Variants in PALD1 observed in about 807,000 individuals in gnomAD.
PALD1 encodes phosphatase domain containing paladin 1.
In PALD1, 57 loss-of-function variants were observed where a neutral mutation model predicts 96.0. The ratio of observed to expected loss-of-function variants is 0.59; its 90% CI spans 0.48 to 0.74. The LOEUF (loss-of-function observed/expected upper bound fraction) is 0.74, where lower values mean the gene tolerates loss of function less well. PALD1 is among the 30% of genes least tolerant of loss of function. PALD1 has a pLI of 0.00. For missense variants in PALD1, 1,063 were observed against 1,143.7 expected, an observed-to-expected ratio of 0.93 and a Z score of 1.02; for synonymous variants, 464 against 473.6, an observed-to-expected ratio of 0.98 and a Z score of 0.26.
At chr10:70,464,942 T>C in the PALD1 span, among the ~76,000 whole-genome samples, 1 of 106,382 alleles carries the variant, frequency 9.4e-6, no homozygotes, top group African/African-American at 4.7e-5. Context: ...TGTACACTTG[T>C]ATGTATGTAT....
chr10:70,529,154 G>A (rs1011062560), intron 2 of PALD1, 75 bp from the exon 3 acceptor site: 2 of 650,456 alleles, frequency 3.1e-6, no homozygotes, highest in African/African-American at 1.8e-5. Flanking sequence ...GGTGGGCTCT[G>A]TGAGGGTGGA....
chr10:70,498,419 A>C (rs567201304), intron 1 of PALD1, among the ~76,000 whole-genome samples: 1 of 152,240 alleles, frequency 6.6e-6, no homozygotes, highest in South Asian at 2.1e-4. Flanking sequence ...AGCTGGGACC[A>C]CAGGAGTGTG....
chr10:70,497,564 CTTTT>C (rs34038407), intron 1 of PALD1, among the ~76,000 whole-genome samples: 3 of 142,202 alleles, frequency 2.1e-5, no homozygotes, highest in Non-Finnish European at 3.1e-5. Flanking sequence ...GCATTAAAAA[CTTTT>C]TTTTTTTTTT....
chr10:70,539,771 G>A lies in PALD1; in HGVS notation c.1908+9G>A, dbSNP rs1847202779. 1 of 1,604,146 alleles carries A rather than the reference G, an allele frequency of 6.2e-7. No individual in the cohort carries two copies. Among genetic ancestry groups the A allele is most frequent in the Non-Finnish European group, 8.5e-7 (1 of 1,177,330 alleles). On this transcript the variant is annotated intron_variant, in intron 15 of 19. Transcript: ENST00000263563. The surrounding 1 kb of genome is among the most constrained non-coding windows in gnomAD (Gnocchi z 4.5). ...GTGCCCCCCGAGAGGAGGTGAGGGTGCTGCTCAGGCTGAGGCCTCTGGGGA... is the reference window on the plus strand; with the variant it reads ...GTGCCCCCCGAGAGGAGGTGAGGGTACTGCTCAGGCTGAGGCCTCTGGGGA...
intron 1 of PALD1, among the ~76,000 whole-genome samples, chr10:70,480,041 G>A (rs1293870358): frequency 6.6e-6 from 1 of 152,260 alleles, no homozygotes; most frequent in Non-Finnish European, 1.5e-5. Context: ...TAGGCTGCGA[G>A]AGTGCCAGGG....
intron 18 of PALD1, among the ~76,000 whole-genome samples, chr10:70,563,740 G>A (rs1847786419): frequency 6.6e-6 from 1 of 152,210 alleles, no homozygotes; most frequent in Admixed American, 6.5e-5. Flanking sequence ...CTTCAAGGCT[G>A]GAGGATGAAC....
At chr10:70,552,593 C>T (rs1217690413) in intron 18 of PALD1, among the ~76,000 whole-genome samples, 1 of 151,142 alleles carries the variant, frequency 6.6e-6, no homozygotes, top group Non-Finnish European at 1.5e-5. Flanking sequence ...TATCTCAAGC[C>T]CTCCGAGCTC....
At chr10:70,495,129 C>T (rs545906875) in intron 1 of PALD1, among the ~76,000 whole-genome samples, 2 of 152,350 alleles carry the variant, frequency 1.3e-5, no homozygotes, top group South Asian at 4.1e-4. Context: ...GGCATCTGCA[C>T]GGGCCGTTCC....
intron 1 of PALD1, among the ~76,000 whole-genome samples, chr10:70,479,315 C>A (rs1324260500): frequency 6.6e-6 from 1 of 152,190 alleles, no homozygotes; most frequent in East Asian, 1.9e-4. Context: ...TTGGTGTAGG[C>A]ATGGCCTGGT....
At chr10:70,485,956 T>G (rs1023753772) in intron 1 of PALD1, 2 of 183,906 alleles carry the variant, frequency 1.1e-5, no homozygotes, top group Non-Finnish European at 2.5e-5. Flanking sequence ...AGATGTTTTC[T>G]CATGGCAGAG....
chr10:70,500,502 C>G (rs1332455934), intron 1 of PALD1, among the ~76,000 whole-genome samples: 1 of 152,192 alleles, frequency 6.6e-6, no homozygotes, highest in Non-Finnish European at 1.5e-5. Context: ...CAGGAGGCAC[C>G]TCTCTCTATG....
chr10:70,502,395 T>G (rs1846316881), intron 1 of PALD1, among the ~76,000 whole-genome samples: 1 of 148,112 alleles, frequency 6.8e-6, no homozygotes, highest in Admixed American at 6.8e-5. Flanking sequence ...GTGAAAGACA[T>G]TTCTAATCTT....
intron 1 of PALD1, among the ~76,000 whole-genome samples, chr10:70,514,549 A>T (rs1320944299): frequency 1.3e-5 from 2 of 151,812 alleles, no homozygotes; most frequent in Non-Finnish European, 2.9e-5. Flanking sequence ...GGTCTGTGGG[A>T]CCCCCAAGAG....
chr10:70,511,869 A>G (rs972302161), intron 1 of PALD1, among the ~76,000 whole-genome samples: 8 of 152,178 alleles, frequency 5.3e-5, no homozygotes, highest in South Asian at 2.1e-4. Context: ...TCTACTAAAA[A>G]TACAAAAATT....
chr10:70,494,310 G>A (rs548865714), intron 1 of PALD1, among the ~76,000 whole-genome samples: 6 of 152,200 alleles, frequency 3.9e-5, no homozygotes, highest in Non-Finnish European at 7.3e-5. Context: ...TTGCTAGTGT[G>A]CATGAGGCAG....
At chr10:70,486,083 G>C (rs1846012897) in intron 1 of PALD1, 1 of 224,600 alleles carries the variant, frequency 4.5e-6, no homozygotes, top group Admixed American at 4.2e-5. Context: ...TTTAGGATTT[G>C]AGAGGTTACT....
rs144523160 is a variant in PALD1, at chr10:70,533,946, C to T, written c.895C>T (p.Arg299Cys). Reference sequence around the variant, plus strand: ...GGAGACCCCCAGCCTGCTGCAGCTCCGTGATGCCCACGGGCCTCCCCCAGC... The same window carrying T: ...GGAGACCCCCAGCCTGCTGCAGCTCTGTGATGCCCACGGGCCTCCCCCAGC... ...LRETPSLLQLRDAHGPPPALV... is the reference protein window; with the variant it reads ...LRETPSLLQLCDAHGPPPALV... The change falls in exon 8 of 20, where the codon CGT becomes TGT. Residue 299 changes from arginine (R) to cysteine (C), a missense_variant. Coordinates refer to ENST00000263563, the MANE Select transcript of PALD1 (RefSeq NM_014431.3). The T allele has an allele frequency of 3.1e-3, 4,924 of 1,607,480 alleles. 12 individuals carry two copies. Among genetic ancestry groups the T allele is most frequent in the Non-Finnish European group, 3.9e-3 (4,600 of 1,176,330 alleles).
the PALD1 span, among the ~76,000 whole-genome samples, chr10:70,461,254 A>C: frequency 6.6e-6 from 1 of 152,066 alleles, no homozygotes; most frequent in Non-Finnish European, 1.5e-5. Context: ...GCACACATCT[A>C]ATTAGCCTTC....
Position 70,534,820 on chromosome 10 carries a change from A to G in PALD1, c.1204A>G (p.Ile402Val). The change falls in exon 10 of 20, where the codon ATC (isoleucine) becomes GTC (valine). Residue 402 changes from isoleucine (I) to valine (V), a missense_variant. Ile to Val is a conservative substitution (Grantham distance 29). Coordinates refer to ENST00000263563, the MANE Select transcript of PALD1 (RefSeq NM_014431.3). ...GGAAAACCAGAAGAAGTTAGAAGGT[A>G]TCCGACCGGAGAGCCCAGCCCAGGT... ...VLENQKKLEG[I>V]RPESPAQGSG... 3 of 1,611,664 alleles carry G rather than the reference A, an allele frequency of 1.9e-6. No individual in the cohort carries two copies. Among genetic ancestry groups the G allele is most frequent in the Non-Finnish European group, 2.5e-6 (3 of 1,178,694 alleles).
Sources: gnomAD v4.1 joint callset for allele counts (sites outside exome capture counted in the v4.1 genomes callset) on GRCh38, gnomAD v4.1.1 for gene constraint, Gnocchi (gnomAD v3.1) non-coding constraint, MANE v1.5 for transcripts, NCBI Gene and HGNC (gene_info 2026-07-23, HGNC 2026-07-21) for gene names.